The following ITGAV variants were observed in gnomAD, a reference collection of about 807,000 sequenced individuals.
ITGAV encodes integrin alpha-V.
A neutral mutation model predicts 143.8 loss-of-function variants in ITGAV; 76 were observed. The observed-to-expected ratio is 0.53, with a 90% confidence interval of 0.44 to 0.64. The LOEUF (loss-of-function observed/expected upper bound fraction) is 0.64, where lower values mean the gene tolerates loss of function less well. Ranked by LOEUF, ITGAV falls within the 30% of genes least tolerant of loss-of-function variation. ITGAV has a pLI of 0.00. For synonymous variants in ITGAV, 453 were observed against 446.7 expected, an observed-to-expected ratio of 1.01 and a Z score of -0.18; for missense variants, 1,193 against 1,274.7, an observed-to-expected ratio of 0.94 and a Z score of 0.98.
At position 186,677,482 on chromosome 2, in the gene ITGAV, A is replaced by G; in HGVS notation, c.*190A>G. ...AAATAAGTTCAGACATACATTTAAT[A>G]ACATAGGGTGACTTGTGTTTTTAGG... On this transcript the variant is annotated 3_prime_UTR_variant, in exon 30 of 30. Transcript: ENST00000261023. 1.9e-6 allele frequency: 1 copy of G among 522,160 alleles called. No individual in the cohort carries two copies. The highest frequency in any genetic ancestry group is 1.9e-5 in the African/African-American group (1 of 52,474). The allele number at this position is 522,160 out of a possible 1,614,324, so 32.3% of individuals were successfully genotyped here.
At position 186,675,817 on chromosome 2, in the gene ITGAV, C is replaced by T. The variant is rs200416481; in HGVS notation, c.2821-3C>T. On this transcript the variant is annotated splice_region_variant and splice_polypyrimidine_tract_variant and intron_variant, in intron 27 of 29. Transcript: ENST00000261023. ...AAATCATCTAATTGTTATTTCCAAA[C>T]AGAAAGAAAATCAGAATCATTCCTA... 4.4e-6 allele frequency: 7 copies of T among 1,589,856 alleles called. No individual in the cohort carries two copies. In the African/African-American group the frequency reaches 5.4e-5, roughly 12 times the overall value.
chr2:186,667,003 G>T, intron 22 of ITGAV, 147 bp from the exon 23 acceptor site: 1 of 541,120 alleles, frequency 1.8e-6, no homozygotes, highest in East Asian at 3.2e-5. Context: ...CATCTTCTTG[G>T]AATTAAGTGT....
chr2:186,653,409 A>T (rs1159668292), intron 15 of ITGAV, among the ~76,000 whole-genome samples: 1 of 152,144 alleles, frequency 6.6e-6, no homozygotes, highest in African/African-American at 2.4e-5. Context: ...CATGTTCCTT[A>T]CTTACACAGA....
chr2:186,626,413 G>A (rs1992898), intron 4 of ITGAV, among the ~76,000 whole-genome samples: 114,509 of 152,104 alleles, frequency 0.75, 43,098 homozygotes, highest in East Asian at 0.85. Context: ...ATAAAAATAG[G>A]TTACTGAAAT....
chr2:186,651,892 T>C, intron 14 of ITGAV, 90 bp from the exon 15 acceptor site: 2 of 684,602 alleles, frequency 2.9e-6, no homozygotes, highest in South Asian at 3.6e-5. Flanking sequence ...CATGGTACTA[T>C]ATATGTAGTG....
At chr2:186,609,427 A>G (rs940566025) in intron 2 of ITGAV, among the ~76,000 whole-genome samples, 1 of 152,174 alleles carries the variant, frequency 6.6e-6, no homozygotes, top group Non-Finnish European at 1.5e-5. Flanking sequence ...TAAAGAAGAC[A>G]GATGGACACT....
chr2:186,601,498 A>G (rs552838019), intron 1 of ITGAV, among the ~76,000 whole-genome samples: 6 of 152,100 alleles, frequency 3.9e-5, no homozygotes, highest in African/African-American at 1.2e-4. Flanking sequence ...AATTACAGCA[A>G]TATTTCTAAT....
Position 186,677,183 on chromosome 2 carries a change from T to C in ITGAV, c.3052-14T>C. 1 of 1,611,228 alleles carries C rather than the reference T, an allele frequency of 6.2e-7. No homozygotes were observed. The highest frequency in any genetic ancestry group is 8.5e-7 in the Non-Finnish European group (1 of 1,177,660). ...CTGATGTGACAGTAATAATGGTTTTTCTTCAACTGACAGATGGGCTTTTTT... is the reference window on the plus strand; with the variant it reads ...CTGATGTGACAGTAATAATGGTTTTCCTTCAACTGACAGATGGGCTTTTTT... On this transcript the variant is annotated splice_polypyrimidine_tract_variant and intron_variant, in intron 29 of 29. Coordinates refer to ENST00000261023, the MANE Select transcript of ITGAV (RefSeq NM_002210.5).
intron 13 of ITGAV, among the ~76,000 whole-genome samples, chr2:186,648,199 A>T (rs1321781480): frequency 6.6e-6 from 1 of 151,986 alleles, no homozygotes; most frequent in Non-Finnish European, 1.5e-5. Flanking sequence ...TCTTTTGCAT[A>T]TCTCTGATTA....
At position 186,679,588 on chromosome 2, in the gene ITGAV, T is replaced by A. The variant is rs1031293754; in HGVS notation, c.*2296T>A. 1 of 151,970 alleles carries A rather than the reference T, an allele frequency of 6.6e-6. No homozygotes were observed. The highest frequency in any genetic ancestry group is 1.5e-5 in the Non-Finnish European group (1 of 67,874). The allele number at this position is 151,970 out of a possible 1,614,324, so 9.4% of individuals were successfully genotyped here. A position where few individuals can be genotyped will look rare whatever the true frequency, so the allele number is the denominator to read the frequency against. ...AAATACTACCATATTTGTGATTTAT[T>A]GAGAATAAAAATCCATTTTGAAATG... On this transcript the variant is annotated 3_prime_UTR_variant, in exon 30 of 30. Coordinates refer to ENST00000261023, the MANE Select transcript of ITGAV (RefSeq NM_002210.5).
intron 2 of ITGAV, among the ~76,000 whole-genome samples, chr2:186,605,355 C>G (rs1382828396): frequency 6.6e-6 from 1 of 152,224 alleles, no homozygotes; most frequent in Non-Finnish European, 1.5e-5. Flanking sequence ...CTGGAACATT[C>G]TTTCCCTAAA....
At chr2:186,616,435 C>G (rs1048957892) in intron 2 of ITGAV, among the ~76,000 whole-genome samples, 1 of 151,424 alleles carries the variant, frequency 6.6e-6, no homozygotes. Flanking sequence ...CCCGCCAGCA[C>G]GCCCGGCTAA....
chr2:186,608,997 T>G (rs1245178606), intron 2 of ITGAV, among the ~76,000 whole-genome samples: 1 of 152,158 alleles, frequency 6.6e-6, no homozygotes, highest in East Asian at 1.9e-4. Flanking sequence ...TTTGCATCAT[T>G]TTATAGAGAT....
intron 2 of ITGAV, among the ~76,000 whole-genome samples, chr2:186,607,184 A>G (rs1687091573): frequency 6.6e-6 from 1 of 151,992 alleles, no homozygotes; most frequent in Non-Finnish European, 1.5e-5. Flanking sequence ...TAGTTTATTT[A>G]CTTTATTGTG....
rs200213331 is a variant in ITGAV at position 186,641,366 on chromosome 2, A to G, written c.957-20A>G. ...CATGAAATTTGTTCTTGCTTTGGTG[A>G]GAAGTTTCTGTTCTTCTAGTTATGC... On this transcript the variant is annotated intron_variant, in intron 11 of 29. Transcript: ENST00000261023. The G allele has an allele frequency of 6.2e-7, 1 of 1,601,052 alleles. No individual in the cohort carries two copies. The highest frequency in any genetic ancestry group is 8.6e-7 in the Non-Finnish European group (1 of 1,168,684).
rs1198397050 is a variant in ITGAV, at chr2:186,676,887, T to C, written c.3003T>C (p.Val1001=). The C allele has an allele frequency of 6.2e-7, 1 of 1,614,096 alleles. No homozygotes were observed. The change falls in exon 29 of 30, where the codon GTT becomes GTC. Residue 1001 remains valine (V), a synonymous_variant. Transcript: ENST00000261023. ...CTGTGTGGGTGATCATTTTAGCAGT[T>C]CTAGCAGGATTGTTGCTACTGGCTG... ...PVPVWVIILA[V]LAGLLLLAVL...
At chr2:186,644,793 G>A (rs1037659260) in intron 12 of ITGAV, among the ~76,000 whole-genome samples, 1 of 150,906 alleles carries the variant, frequency 6.6e-6, no homozygotes, top group Non-Finnish European at 1.5e-5. Flanking sequence ...AAGAAACTCA[G>A]CATCCAATGG....
intron 2 of ITGAV, 30 bp from the exon 3 acceptor site, chr2:186,622,309 T>G: frequency 4.9e-6 from 7 of 1,428,186 alleles, no homozygotes; most frequent in Non-Finnish European, 6.9e-6. Flanking sequence ...GTATATTTTG[T>G]GTCTTACCAC....
At chr2:186,670,735 T>C (rs993031109) in intron 26 of ITGAV, among the ~76,000 whole-genome samples, 2 of 152,236 alleles carry the variant, frequency 1.3e-5, no homozygotes, top group Non-Finnish European at 2.9e-5. Flanking sequence ...CTCATGGCTG[T>C]AAATACCATG....
Sources: allele counts gnomAD v4.1 joint callset (sites outside exome capture counted in the v4.1 genomes callset), GRCh38; gene constraint gnomAD v4.1.1; transcripts MANE v1.5; gene names NCBI Gene and HGNC (gene_info 2026-07-23, HGNC 2026-07-21).